The following NEB variants were observed in gnomAD, a reference collection of about 807,000 sequenced individuals.
NEB encodes nemaline myopathy type 2.
NEB carries 512 observed loss-of-function variants against 952.2 expected under a neutral mutation model. The ratio of observed to expected loss-of-function variants is 0.54; its 90% confidence interval spans 0.50 to 0.58. NEB has a LOEUF of 0.58. Ranked by LOEUF, NEB falls within the 20% of genes least tolerant of loss-of-function variation. NEB has a pLI of 0.00. For missense variants in NEB, 8,428 were observed against 9,231.1 expected, an observed-to-expected ratio of 0.91 and a Z score of 3.56; for synonymous variants, 2,900 against 3,149.8, an observed-to-expected ratio of 0.92 and a Z score of 2.66.
chr2:151,524,368 G>A lies in NEB; in HGVS notation c.22422C>T (p.Ser7474=). 6.2e-7 allele frequency: 1 copy of A among 1,613,974 alleles called. No homozygotes were observed. The highest frequency in any genetic ancestry group is 8.5e-7 in the Non-Finnish European group (1 of 1,179,886). Residue 7474 remains serine (S), a synonymous_variant, in exon 153 of 182, where the codon AGC becomes AGT. Transcript: ENST00000397345. ...KHRKEGSHGL[S]MLGRPDIEMA... ...TTTCTATGTCTGGGCGACCGAGCAT[G>A]CTTAAGCCATGGCTGCCTTCCTTGC...
intron 47 of NEB, among the ~76,000 whole-genome samples, chr2:151,658,629 A>T (rs935807647): frequency 6.6e-6 from 1 of 152,210 alleles, no homozygotes; most frequent in Non-Finnish European, 1.5e-5. Flanking sequence ...ACATTTGCAC[A>T]TTCTTTGTTT....
intron 84 of NEB, among the ~76,000 whole-genome samples, chr2:151,606,235 T>G (rs1367194709): frequency 5.6e-5 from 4 of 70,824 alleles, no homozygotes; most frequent in African/African-American, 1.3e-4. Context: ...CATATAAATA[T>G]GATTTCAGTC....
At chr2:151,559,992 G>A (rs2095921417) in intron 124 of NEB, among the ~76,000 whole-genome samples, 1 of 152,038 alleles carries the variant, frequency 6.6e-6, no homozygotes, top group African/African-American at 2.4e-5. Flanking sequence ...GAACATTAAT[G>A]GTTAGAGGTC....
intron 42 of NEB, 66 bp from the exon 43 acceptor site, chr2:151,664,929 G>A: frequency 8.5e-7 from 1 of 1,172,662 alleles, no homozygotes; most frequent in Non-Finnish European, 1.2e-6. Flanking sequence ...CTAGCAAGAG[G>A]AAGAGATTTA....
Position 151,560,716 on chromosome 2 carries a change from CCTT to C in NEB, c.19207-20_19207-18del, listed in dbSNP as rs768751352. The C allele has an allele frequency of 5.7e-6, 9 of 1,578,302 alleles. No homozygotes were observed. The African/African-American group carries it at 1.2e-4, about 21-fold the overall frequency. On this transcript the variant is annotated intron_variant, in intron 123 of 181. Coordinates refer to ENST00000397345, the MANE Select transcript of NEB (RefSeq NM_001164508.2). ...GTACAGGTTCTGCAGGAATTAAAGA[CCTT>C]CTTGTGAATATGGGAAAATGCATCT...
chr2:151,511,462 G>A (rs1000180829), intron 161 of NEB, among the ~76,000 whole-genome samples: 1 of 152,164 alleles, frequency 6.6e-6, no homozygotes, highest in African/African-American at 2.4e-5. Context: ...GATCATCTGT[G>A]AAAATTAAAA....
In NEB at chr2:151,524,635, T is replaced by C. The variant is rs1198412742; in HGVS notation, c.22273-19A>G. The C allele has an allele frequency of 1.2e-6, 1 of 853,530 alleles. No individual in the cohort carries two copies. The highest frequency in any genetic ancestry group is 1.9e-6 in the Non-Finnish European group (1 of 515,894). The allele number at this position is 853,530 out of a possible 1,614,324, so 52.9% of individuals were successfully genotyped here. On this transcript the variant is annotated intron_variant, in intron 151 of 181. Coordinates refer to ENST00000397345, the MANE Select transcript of NEB (RefSeq NM_001164508.2). ...AAGCGACCTTTATTGGGGAAGAAAA[T>C]GTTTACTCAAGAGAGAGGCTTTTTT... is the stretch of plus-strand genomic sequence containing the variant.
At chr2:151,626,891 T>A in intron 70 of NEB, 111 bp downstream of exon 70, 1 of 1,319,370 alleles carries the variant, frequency 7.6e-7, no homozygotes, top group Admixed American at 1.9e-5. Flanking sequence ...TGAATCACTA[T>A]ACATTGGATA....
chr2:151,639,504 T>G, intron 62 of NEB, 120 bp from the exon 63 acceptor site: 1 of 697,936 alleles, frequency 1.4e-6, no homozygotes, highest in Non-Finnish European at 2.3e-6. Context: ...ATACACATTA[T>G]GTGTTTTATG....
intron 32 of NEB, among the ~76,000 whole-genome samples, chr2:151,678,946 A>T (rs1449323992): frequency 6.6e-6 from 1 of 152,188 alleles, no homozygotes. Flanking sequence ...AATTTCAAAC[A>T]ATCAGTAAAG....
At chr2:151,513,464 GA>G (rs2075882085) in intron 160 of NEB, 115 bp downstream of exon 160, 1 of 733,674 alleles carries the variant, frequency 1.4e-6, no homozygotes, top group Non-Finnish European at 2.2e-6. Context: ...AGATGTTCAA[GA>G]ATGCCATTGT....
rs3821324 is a variant in NEB, at chr2:151,485,796, G to C, written c.25542C>G (p.Thr8514=). Residue 8514 remains threonine (T), a synonymous_variant, in exon 182 of 182, where the codon ACC becomes ACG. Coordinates refer to ENST00000397345, the MANE Select transcript of NEB (RefSeq NM_001164508.2). ...MYGTVQRTGR[T]GMLPANYVEA... ...CAACGTAGTTGGCTGGGAGCATTCC[G>C]GTCCTGCCAGTCCTCTGCACAGTGC... 6.2e-7 allele frequency: 1 copy of C among 1,612,820 alleles called. No homozygotes were observed. The highest frequency in any genetic ancestry group is 1.7e-5 in the Admixed American group (1 of 59,978).
intron 71 of NEB, among the ~76,000 whole-genome samples, chr2:151,623,490 T>C (rs1281628074): frequency 6.6e-6 from 1 of 152,162 alleles, no homozygotes; most frequent in Non-Finnish European, 1.5e-5. Context: ...CAAATTAGAT[T>C]GAATTAAGGA....
At chr2:151,647,221 C>T (rs2098971777) in intron 54 of NEB, among the ~76,000 whole-genome samples, 1 of 152,096 alleles carries the variant, frequency 6.6e-6, no homozygotes, top group South Asian at 2.1e-4. Context: ...AGCAATTCTC[C>T]TGCCTCAGCT....
chr2:151,688,638 G>A (rs1024782191), intron 24 of NEB, among the ~76,000 whole-genome samples: 1 of 152,096 alleles, frequency 6.6e-6, no homozygotes, highest in Admixed American at 6.5e-5. Context: ...AATCATAGAT[G>A]GCACTGAACC....
At chr2:151,531,729 GC>G in intron 144 of NEB, 62 bp downstream of exon 144, 2 of 1,234,384 alleles carry the variant, frequency 1.6e-6, no homozygotes, top group Non-Finnish European at 2.4e-6. Flanking sequence ...AATTTAAAAT[GC>G]CCCTCCATGT....
chr2:151,493,376 G>A lies in NEB; in HGVS notation c.24742C>T (p.Arg8248Cys), dbSNP rs748561855. The A allele has an allele frequency of 8.7e-6, 14 of 1,611,862 alleles. No individual in the cohort carries two copies. The highest frequency in any genetic ancestry group is 2.2e-5 in the East Asian group (1 of 44,806). The part of the protein sequence containing the change: ...PVTPEMERAK[R>C]NQENISSVLY... Reference sequence around the variant, plus strand: ...ACCGAGCTAATGTTTTCTTGGTTGCGCTTAGCTCTCTCCATCTCTGGAGTA... The same window carrying A: ...ACCGAGCTAATGTTTTCTTGGTTGCACTTAGCTCTCTCCATCTCTGGAGTA... Residue 8248 changes from arginine (R) to cysteine (C), a missense_variant, in exon 176 of 182, where the codon CGC (arginine) becomes TGC (cysteine). Transcript: ENST00000397345.
Position 151,567,445 on chromosome 2 carries a change from C to T in NEB, c.17879G>A (p.Gly5960Asp). The part of the protein sequence containing the change: ...KYKAEHVKQK[G>D]HYVGVPTMRD... The stretch of plus-strand genomic sequence containing the variant: ...CATCGTCGGGACACCAACATAATGA[C>T]CTTTTTGCTTCACATGTTCAGCTTT... Residue 5960 changes from glycine (G) to aspartate (D), a missense_variant, in exon 114 of 182, where the codon GGT becomes GAT. Around this residue, in one of 11 missense-constraint regions of NEB, gnomAD observed 3,374 missense variants for 3,651.5 expected, o/e 0.92. Coordinates refer to ENST00000397345, the MANE Select transcript of NEB (RefSeq NM_001164508.2). The T allele has an allele frequency of 6.2e-7, 1 of 1,612,866 alleles. No individual in the cohort carries two copies. The highest frequency in any genetic ancestry group is 8.5e-7 in the Non-Finnish European group (1 of 1,179,338).
At chr2:151,512,058 T>G (rs1392528263) in intron 161 of NEB, among the ~76,000 whole-genome samples, 1 of 134,836 alleles carries the variant, frequency 7.4e-6, no homozygotes, top group African/African-American at 2.9e-5. Context: ...TGAGACAGAG[T>G]CTTGCTGTGC....
Sources: gnomAD v4.1 joint callset for allele counts (sites outside exome capture counted in the v4.1 genomes callset) on GRCh38, gnomAD v4.1.1 for gene constraint, gnomAD v4.1.1 regional missense constraint, MANE v1.5 for transcripts, NCBI Gene and HGNC (gene_info 2026-07-23, HGNC 2026-07-21) for gene names.